The following PKNOX2 variants were observed in gnomAD, a reference collection of about 807,000 sequenced individuals.
The protein encoded by PKNOX2 is PBX/knotted 1 homeobox 2, also known as homeobox protein PKNOX2.
Under a neutral mutation model 53.1 loss-of-function variants are expected in PKNOX2, and 14 were observed. That is an observed-to-expected ratio of 0.26 (90% CI 0.17 to 0.41). The LOEUF is 0.41. Ranked by LOEUF, PKNOX2 falls within the 10% of genes least tolerant of loss-of-function variation. The probability of loss-of-function intolerance (pLI) is 1.00; values close to 1 mark genes in which losing one functional copy is unlikely to be tolerated. For missense variants in PKNOX2, 496 were observed against 602.8 expected (o/e 0.82, Z 1.85); for synonymous variants, 257 against 242.8 (o/e 1.06, Z -0.54).
chr11:125,406,794 G>A (rs577277034), intron 7 of PKNOX2, among the ~76,000 whole-genome samples: 30 of 151,990 alleles, frequency 2.0e-4, no homozygotes, highest in Non-Finnish European at 3.2e-4. Context: ...GGAACAGCGT[G>A]GTGAAAGCTC....
Position 125,431,547 on chromosome 11 carries a change from C to T in PKNOX2, c.*155C>T, listed in dbSNP as rs1395666883. ...AGCTTGAAGAAAGGCAAAGGAGACA[C>T]CTGTTCCTTCCCAACCACCGAGCTT... On this transcript the variant is annotated 3_prime_UTR_variant, in exon 13 of 13. Coordinates refer to ENST00000298282, the MANE Select transcript of PKNOX2 (RefSeq NM_001382323.2). 1 of 839,050 alleles carries T rather than the reference C, an allele frequency of 1.2e-6. No individual in the cohort carries two copies. Among genetic ancestry groups the T allele is most frequent in the Non-Finnish European group, 1.8e-6 (1 of 554,802 alleles). 52.0% of individuals were successfully genotyped at this position (839,050 alleles called of 1,614,324 possible). A position where few individuals can be genotyped will look rare whatever the true frequency, so the allele number is the denominator to read the frequency against.
intron 2 of PKNOX2, among the ~76,000 whole-genome samples, chr11:125,327,003 C>G (rs1264902093): frequency 6.6e-6 from 1 of 152,316 alleles, no homozygotes; most frequent in Middle Eastern, 3.4e-3. Context: ...GAAGAAGAGG[C>G]CCTTGGTGGG....
chr11:125,410,737 C>G, intron 8 of PKNOX2, 42 bp from the exon 9 acceptor site: 1 of 1,482,062 alleles, frequency 6.7e-7, no homozygotes, highest in South Asian at 1.1e-5. Context: ...CGCTCCTACC[C>G]ACTCCCATGG....
intron 2 of PKNOX2, among the ~76,000 whole-genome samples, chr11:125,312,779 G>T (rs909426877): frequency 3.9e-5 from 6 of 152,172 alleles, no homozygotes; most frequent in Non-Finnish European, 8.8e-5. Context: ...GGTGATGGGA[G>T]CACAGAGGCA....
intron 2 of PKNOX2, among the ~76,000 whole-genome samples, chr11:125,323,867 G>C (rs1949671489): frequency 6.6e-6 from 1 of 152,098 alleles, no homozygotes; most frequent in Non-Finnish European, 1.5e-5. Context: ...GTGTGTGTGT[G>C]TGTGTGTGTT....
chr11:125,398,749 G>A (rs7948563), intron 7 of PKNOX2, among the ~76,000 whole-genome samples: 2 of 152,164 alleles, frequency 1.3e-5, no homozygotes, highest in African/African-American at 4.8e-5. Context: ...CCTACAAACC[G>A]AGAAAGCTGC....
chr11:125,261,774 T>TC (rs1325662602), intron 2 of PKNOX2, among the ~76,000 whole-genome samples: 2 of 152,222 alleles, frequency 1.3e-5, no homozygotes, highest in Non-Finnish European at 2.9e-5. Flanking sequence ...TGCCGCTCTT[T>TC]CCGATCTGCA....
At chr11:125,410,585 C>G (rs938369222) in intron 8 of PKNOX2, 194 bp from the exon 9 acceptor site, 1 of 650,754 alleles carries the variant, frequency 1.5e-6, no homozygotes, top group South Asian at 2.0e-5. Flanking sequence ...CGAAGCACCT[C>G]CCACCAGAGG....
intron 1 of PKNOX2, among the ~76,000 whole-genome samples, chr11:125,226,216 T>C (rs1036498815): frequency 3.3e-5 from 5 of 152,218 alleles, no homozygotes; most frequent in African/African-American, 1.2e-4. Flanking sequence ...CAAAGATTTA[T>C]TGGTGTCTGG....
At chr11:125,348,447 G>A (rs181577073) in intron 3 of PKNOX2, among the ~76,000 whole-genome samples, 1 of 152,250 alleles carries the variant, frequency 6.6e-6, no homozygotes, top group Non-Finnish European at 1.5e-5. Flanking sequence ...TGGCCTAGTG[G>A]CCTGTGGTGA....
chr11:125,349,092 C>T (rs1591537501), intron 3 of PKNOX2, among the ~76,000 whole-genome samples: 1 of 152,226 alleles, frequency 6.6e-6, no homozygotes, highest in East Asian at 1.9e-4. Flanking sequence ...CCAGGGAAGG[C>T]TATGTTTAAT....
chr11:125,208,854 T>C (rs683298), intron 1 of PKNOX2, among the ~76,000 whole-genome samples: 73,056 of 151,582 alleles, frequency 0.48, 18,427 homozygotes, highest in African/African-American at 0.57. Context: ...ATTCTGTGGA[T>C]GTGTTGAGTG....
intron 2 of PKNOX2, among the ~76,000 whole-genome samples, chr11:125,264,873 C>T (rs1945186643): frequency 6.6e-6 from 1 of 152,188 alleles, no homozygotes; most frequent in Admixed American, 6.5e-5. Context: ...CTGGCCCCAT[C>T]TGTGAAATGG....
chr11:125,285,301 C>T (rs1946827763), intron 2 of PKNOX2, among the ~76,000 whole-genome samples: 1 of 152,144 alleles, frequency 6.6e-6, no homozygotes, highest in African/African-American at 2.4e-5. Context: ...GTTGGGAAAA[C>T]ACACCCCAGA....
chr11:125,342,562 G>A (rs1950751174), intron 3 of PKNOX2, among the ~76,000 whole-genome samples: 1 of 152,238 alleles, frequency 6.6e-6, no homozygotes, highest in African/African-American at 2.4e-5. Flanking sequence ...CGCTGGAGCT[G>A]TTTGTCTGTC....
rs142176131 is a variant in PKNOX2 at position 125,176,602 on chromosome 11, C to T, written c.-201+11826C>T. On this transcript the variant is annotated intron_variant, in intron 1 of 12. Transcript: ENST00000298282. Reference sequence around the variant, plus strand: ...AGCTAAGGCATGAAGGGAGACTTGCCGTGAACTAGGTAAGAGTAGGCGCAT... The same window carrying T: ...AGCTAAGGCATGAAGGGAGACTTGCTGTGAACTAGGTAAGAGTAGGCGCAT... Among the ~76,000 whole-genome samples the T allele has an allele frequency of 8.2e-3, 1,246 of 152,276 alleles. 17 individuals are homozygous for T. Among genetic ancestry groups the T allele is most frequent in the African/African-American group, 0.028 (1,162 of 41,568 alleles).
At chr11:125,229,565 A>G (rs1345594978) in intron 1 of PKNOX2, among the ~76,000 whole-genome samples, 6 of 152,192 alleles carry the variant, frequency 3.9e-5, no homozygotes, top group African/African-American at 1.4e-4. Context: ...GAAGGGTACT[A>G]AAGGAGACAT....
chr11:125,182,987 G>A (rs1432769078), intron 1 of PKNOX2, among the ~76,000 whole-genome samples: 2 of 152,150 alleles, frequency 1.3e-5, no homozygotes, highest in Non-Finnish European at 2.9e-5. Flanking sequence ...CTTGCAAGAG[G>A]GACCGTGGAG....
chr11:125,188,855 G>A (rs765112992), intron 1 of PKNOX2, among the ~76,000 whole-genome samples: 3 of 151,586 alleles, frequency 2.0e-5, no homozygotes, highest in Non-Finnish European at 4.4e-5. Flanking sequence ...CTCATGCGCC[G>A]CCTTTTTTTT....
Sources: gnomAD v4.1 joint callset for allele counts (sites outside exome capture counted in the v4.1 genomes callset) on GRCh38, gnomAD v4.1.1 for gene constraint, MANE v1.5 for transcripts, NCBI Gene and HGNC (gene_info 2026-07-23, HGNC 2026-07-21) for gene names.